Variants in TPST1 observed in about 807,000 individuals in gnomAD.
TPST1 encodes the protein protein-tyrosine sulfotransferase 1.
Under a neutral mutation model 34.8 loss-of-function variants are expected in TPST1, and 20 were observed. The observed-to-expected ratio is 0.57, with a 90% CI of 0.40 to 0.84. The LOEUF is 0.84. Among genes scored for constraint, TPST1 ranks in the 40% least tolerant of loss-of-function variants. The pLI, the probability that TPST1 is intolerant of heterozygous loss-of-function variation, is 0.00. For synonymous variants in TPST1, 152 were observed against 159.4 expected (o/e 0.95, Z 0.35); for missense variants, 353 against 455.5 (o/e 0.78, Z 2.05).
intron 2 of TPST1, among the ~76,000 whole-genome samples, chr7:66,282,920 C>T (rs1790960982): frequency 6.6e-6 from 1 of 152,140 alleles, no homozygotes; most frequent in South Asian, 2.1e-4. Flanking sequence ...CCCTTCCATC[C>T]TCCCAACTTA....
At chr7:66,252,395 G>A (rs758775835) in intron 2 of TPST1, among the ~76,000 whole-genome samples, 18 of 123,124 alleles carry the variant, frequency 1.5e-4, no homozygotes, top group Admixed American at 3.1e-4. Flanking sequence ...TCGCTCTGTC[G>A]CCCAGGCTGG....
intron 3 of TPST1, among the ~76,000 whole-genome samples, chr7:66,349,237 A>G (rs543303262): frequency 6.6e-6 from 1 of 152,274 alleles, no homozygotes; most frequent in South Asian, 2.1e-4. Context: ...GGCTAGCTCA[A>G]AGAGGAGATT....
intron 3 of TPST1, among the ~76,000 whole-genome samples, chr7:66,296,774 A>G (rs2116004268): frequency 6.9e-6 from 1 of 145,972 alleles, no homozygotes; most frequent in African/African-American, 2.6e-5. Context: ...TTGAATGGAT[A>G]ATCATGCTTC....
chr7:66,200,825 C>A (rs1789027109), upstream of TPST1, among the ~76,000 whole-genome samples: 1 of 152,120 alleles, frequency 6.6e-6, no homozygotes. Context: ...ATCCTGAGTT[C>A]AAGCGATTCT....
chr7:66,264,174 C>G (rs946317366), intron 2 of TPST1, among the ~76,000 whole-genome samples: 6 of 152,150 alleles, frequency 3.9e-5, no homozygotes, highest in African/African-American at 1.4e-4. Flanking sequence ...CAGTAGTTAT[C>G]AAGAAACATT....
chr7:66,239,201 G>A (rs186920471), intron 1 of TPST1, among the ~76,000 whole-genome samples: 48 of 152,158 alleles, frequency 3.2e-4, no homozygotes, highest in African/African-American at 1.1e-3. Context: ...GGCTGGTCTC[G>A]AACTCCTGAG....
At chr7:66,309,709 A>G (rs544958733) in intron 3 of TPST1, among the ~76,000 whole-genome samples, 1 of 152,326 alleles carries the variant, frequency 6.6e-6, no homozygotes, top group South Asian at 2.1e-4. Context: ...CCCTGTTAGT[A>G]AAGACTATTC....
chr7:66,329,541 G>A (rs183977170), intron 3 of TPST1, among the ~76,000 whole-genome samples: 3 of 152,072 alleles, frequency 2.0e-5, no homozygotes, highest in African/African-American at 4.8e-5. Flanking sequence ...ATTTGAAGAC[G>A]TGTATGAGGT....
At chr7:66,221,037 G>A (rs1718758175) in intron 1 of TPST1, among the ~76,000 whole-genome samples, 1 of 152,082 alleles carries the variant, frequency 6.6e-6, no homozygotes, top group Non-Finnish European at 1.5e-5. Flanking sequence ...GGAGGCTGAG[G>A]CAGGAGAATT....
rs979675187 is a variant in TPST1, at chr7:66,320,539, G to A, written c.1045-31966G>A. Among the ~76,000 whole-genome samples the A allele has an allele frequency of 8.6e-5, 13 of 151,504 alleles. No individual in the cohort carries two copies. In the South Asian group the frequency reaches 1.7e-3, roughly 19 times the overall value. The stretch of plus-strand genomic sequence containing the variant: ...TGGGATTACAGGCGTGAGCCACCGC[G>A]CCCAGCCTGGTTTCTTTCTTTTTAA... On this transcript the variant is annotated intron_variant, in intron 3 of 5. Transcript: ENST00000304842.
intron 1 of TPST1, among the ~76,000 whole-genome samples, chr7:66,211,228 A>G (rs1027875692): frequency 6.6e-6 from 1 of 151,782 alleles, no homozygotes; most frequent in African/African-American, 2.4e-5. Flanking sequence ...TCCGCCTCCC[A>G]GGTTGAAGCA....
intron 1 of TPST1, among the ~76,000 whole-genome samples, chr7:66,235,003 G>A (rs1409210688): frequency 6.6e-6 from 1 of 151,876 alleles, no homozygotes; most frequent in Non-Finnish European, 1.5e-5. Flanking sequence ...TCTGTAATAT[G>A]GTTTTACTTT....
chr7:66,310,706 A>T (rs1584229246), intron 3 of TPST1, among the ~76,000 whole-genome samples: 1 of 152,182 alleles, frequency 6.6e-6, no homozygotes, highest in East Asian at 1.9e-4. Flanking sequence ...TCTGGGCTGT[A>T]GTAGGAATAT....
chr7:66,271,516 T>C (rs1182942131), intron 2 of TPST1, among the ~76,000 whole-genome samples: 1 of 152,182 alleles, frequency 6.6e-6, no homozygotes, highest in East Asian at 1.9e-4. Flanking sequence ...CCCTTTGACC[T>C]ACATCTCCCC....
chr7:66,299,905 A>G (rs1362468486), intron 3 of TPST1, among the ~76,000 whole-genome samples: 1 of 152,214 alleles, frequency 6.6e-6, no homozygotes, highest in Non-Finnish European at 1.5e-5. Flanking sequence ...TTGGTTCCAG[A>G]CCACCAAAAT....
At chr7:66,313,428 TAATAA>T (rs896748711) in intron 3 of TPST1, among the ~76,000 whole-genome samples, 18 of 151,910 alleles carry the variant, frequency 1.2e-4, no homozygotes, top group African/African-American at 3.4e-4. Flanking sequence ...AAAAATAAAA[TAATAA>T]AATAAAATAA....
At chr7:66,293,791 T>A (rs1263300198) in intron 3 of TPST1, among the ~76,000 whole-genome samples, 2 of 152,230 alleles carry the variant, frequency 1.3e-5, no homozygotes, top group East Asian at 3.8e-4. Context: ...AATTTTTGGA[T>A]ACCTAAAAGC....
In TPST1 at chr7:66,349,995, G is replaced by C. The variant is rs138047045; in HGVS notation, c.1045-2510G>C. Among the ~76,000 whole-genome samples the C allele has an allele frequency of 6.9e-3, 1,051 of 152,210 alleles. 9 individuals are homozygous for C. The highest frequency in any genetic ancestry group is 0.011 in the Non-Finnish European group (752 of 68,008). On this transcript the variant is annotated intron_variant, in intron 3 of 5. Coordinates refer to ENST00000304842, the MANE Select transcript of TPST1 (RefSeq NM_003596.4). ...ACCTCAGCAAGCTGGACCCATCCAAGCTGTGGTGTCAGGGTAGAACAAATG... is the reference window on the plus strand; with the variant it reads ...ACCTCAGCAAGCTGGACCCATCCAACCTGTGGTGTCAGGGTAGAACAAATG...
intron 3 of TPST1, among the ~76,000 whole-genome samples, chr7:66,317,987 C>T (rs1053227157): frequency 1.3e-5 from 2 of 152,050 alleles, no homozygotes; most frequent in South Asian, 2.1e-4. Context: ...GGCGAAACCC[C>T]GTCTCTACTA....
Sources: allele counts gnomAD v4.1 joint callset (sites outside exome capture counted in the v4.1 genomes callset), GRCh38; gene constraint gnomAD v4.1.1; transcripts MANE v1.5; gene names NCBI Gene and HGNC (gene_info 2026-07-23, HGNC 2026-07-21).